The following CWC27 variants were observed in gnomAD, a reference collection of about 807,000 sequenced individuals.
The protein encoded by CWC27 is spliceosome-associated protein CWC27 homolog.
Under a neutral mutation model 63.6 loss-of-function variants are expected in CWC27, and 47 were observed. The observed-to-expected ratio is 0.74, with a 90% CI of 0.58 to 0.94. The LOEUF (loss-of-function observed/expected upper bound fraction) is 0.94, where lower values mean the gene tolerates loss of function less well. Among genes scored for constraint, CWC27 ranks in the 40% least tolerant of loss-of-function variants. The pLI is 0.00. For synonymous variants in CWC27, 175 were observed against 179.8 expected (o/e 0.97, Z 0.22); for missense variants, 495 against 554.3 (o/e 0.89, Z 1.07).
chr5:65,004,861 CATATATATATATAT>C (rs1170127729), intron 13 of CWC27, among the ~76,000 whole-genome samples: 9,223 of 45,420 alleles, frequency 0.2, 863 homozygotes, highest in Middle Eastern at 0.45. Context: ...AAGACTTTTT[CATATATATATATAT>C]ATATATATAT....
At chr5:64,801,577 A>C (rs888420478) in intron 9 of CWC27, among the ~76,000 whole-genome samples, 11 of 151,938 alleles carry the variant, frequency 7.2e-5, no homozygotes, top group African/African-American at 2.7e-4. Context: ...ATGAATTTCT[A>C]GTCTGTTTTT....
intron 13 of CWC27, among the ~76,000 whole-genome samples, chr5:64,979,961 T>C (rs115882929): frequency 0.054 from 7,535 of 138,284 alleles, 660 homozygotes; most frequent in African/African-American, 0.19. Context: ...TTATACTTTT[T>C]ATGTAAAAAA....
At chr5:64,834,228 C>CA (rs1745600471) in intron 10 of CWC27, among the ~76,000 whole-genome samples, 1 of 151,240 alleles carries the variant, frequency 6.6e-6, no homozygotes, top group Non-Finnish European at 1.5e-5. Context: ...ACAAGTACAA[C>CA]TTTTTTCTGT....
chr5:64,852,630 C>T (rs528823741), intron 10 of CWC27, among the ~76,000 whole-genome samples: 10 of 152,124 alleles, frequency 6.6e-5, no homozygotes, highest in African/African-American at 2.2e-4. Flanking sequence ...TGCCACCATG[C>T]CCCAGCTAAT....
intron 11 of CWC27, among the ~76,000 whole-genome samples, chr5:64,929,669 A>G (rs1580732239): frequency 6.6e-6 from 1 of 152,280 alleles, no homozygotes; most frequent in East Asian, 1.9e-4. Context: ...ATTATTTCAC[A>G]CCCAGTAGGA....
At chr5:64,864,079 A>G (rs1019880947) in intron 10 of CWC27, among the ~76,000 whole-genome samples, 1 of 152,046 alleles carries the variant, frequency 6.6e-6, no homozygotes, top group South Asian at 2.1e-4. Flanking sequence ...CATAATTCTT[A>G]TTTTTTTATT....
chr5:64,785,257 A>G (rs914378530), intron 4 of CWC27, among the ~76,000 whole-genome samples: 2 of 152,166 alleles, frequency 1.3e-5, no homozygotes, highest in African/African-American at 4.8e-5. Context: ...CTTACATTAA[A>G]TATATATTGG....
intron 11 of CWC27, among the ~76,000 whole-genome samples, chr5:64,915,649 C>A (rs1747875249): frequency 6.6e-6 from 1 of 152,112 alleles, no homozygotes; most frequent in Admixed American, 6.5e-5. Context: ...CCAGGGTCCT[C>A]TCAGCAGCCT....
chr5:64,937,449 G>T (rs191495150), intron 11 of CWC27, among the ~76,000 whole-genome samples: 12 of 152,292 alleles, frequency 7.9e-5, no homozygotes, highest in Non-Finnish European at 1.5e-5. Flanking sequence ...TGATTGCACT[G>T]TGCTCTGAGA....
chr5:64,904,770 G>A (rs1747589716), intron 11 of CWC27, among the ~76,000 whole-genome samples: 1 of 152,164 alleles, frequency 6.6e-6, no homozygotes, highest in African/African-American at 2.4e-5. Context: ...TAAACACACT[G>A]AATGCAACCA....
At chr5:64,932,598 G>T (rs1380869031) in intron 11 of CWC27, among the ~76,000 whole-genome samples, 7 of 152,086 alleles carry the variant, frequency 4.6e-5, no homozygotes, top group East Asian at 1.9e-4. Flanking sequence ...TCTTTAAAAT[G>T]CCCAGCTATA....
At chr5:64,988,172 A>G (rs1749470696) in intron 13 of CWC27, among the ~76,000 whole-genome samples, 1 of 152,024 alleles carries the variant, frequency 6.6e-6, no homozygotes, top group Admixed American at 6.5e-5. Flanking sequence ...ATTTGTATTT[A>G]TTTTTATGTT....
intron 4 of CWC27, among the ~76,000 whole-genome samples, chr5:64,785,031 G>C (rs1321759129): frequency 3.3e-5 from 5 of 152,148 alleles, no homozygotes; most frequent in African/African-American, 1.2e-4. Context: ...TACCTTCTTT[G>C]ATCCTCATTT....
chr5:64,786,383 G>A (rs889096592), intron 5 of CWC27, 141 bp from the exon 6 acceptor site: 42 of 451,262 alleles, frequency 9.3e-5, no homozygotes, highest in African/African-American at 7.6e-4. Flanking sequence ...AGCATGTTGT[G>A]TAGTAAATAT....
intron 10 of CWC27, among the ~76,000 whole-genome samples, chr5:64,848,769 A>T (rs1051854353): frequency 6.6e-6 from 1 of 152,220 alleles, no homozygotes; most frequent in Non-Finnish European, 1.5e-5. Flanking sequence ...CAGGAAAAGC[A>T]TTTGATAAAA....
At chr5:64,871,812 CAGTT>C (rs996764752) in intron 10 of CWC27, among the ~76,000 whole-genome samples, 68 of 152,228 alleles carry the variant, frequency 4.5e-4, no homozygotes, top group African/African-American at 1.6e-3. Flanking sequence ...CCAAGCCTAT[CAGTT>C]AGACAAGGCA....
chr5:64,859,045 G>GTATTGGAAATGTTTATGGAATA (rs1746332935), intron 10 of CWC27, among the ~76,000 whole-genome samples: 1 of 152,188 alleles, frequency 6.6e-6, no homozygotes, highest in South Asian at 2.1e-4. Flanking sequence ...TTTATGGAAT[G>GTATTGGAAATGTTTATGGAATA]TATTGGAAAT....
chr5:64,924,738 C>T (rs1580729671), intron 11 of CWC27, among the ~76,000 whole-genome samples: 1 of 152,248 alleles, frequency 6.6e-6, no homozygotes, highest in Non-Finnish European at 1.5e-5. Context: ...ATGTGCCACC[C>T]TTGGCCAGCT....
At chr5:64,795,066 A>T (rs1744219103) in intron 7 of CWC27, among the ~76,000 whole-genome samples, 1 of 152,126 alleles carries the variant, frequency 6.6e-6, no homozygotes, top group Non-Finnish European at 1.5e-5. Flanking sequence ...ACTCAGAAAA[A>T]GTTATCTTGG....
Sources: gnomAD v4.1 joint callset for allele counts (sites outside exome capture counted in the v4.1 genomes callset) on GRCh38, gnomAD v4.1.1 for gene constraint, MANE v1.5 for transcripts, NCBI Gene and HGNC (gene_info 2026-07-23, HGNC 2026-07-21) for gene names.